Variants in LACC1 observed in about 807,000 individuals in gnomAD.
The protein encoded by LACC1 is purine nucleoside phosphorylase LACC1.
LACC1 carries 25 observed loss-of-function variants against 34.8 expected under a neutral mutation model. That is an observed-to-expected ratio of 0.72 (90% CI 0.52 to 1.00). The LOEUF is 1.00. Ranked by LOEUF, LACC1 falls within the 50% of genes least tolerant of loss-of-function variation. The pLI is 0.00. For missense variants in LACC1, 426 were observed against 511.2 expected (o/e 0.83, Z 1.61); for synonymous variants, 162 against 168.0 (o/e 0.96, Z 0.28).
Position 43,881,029 on chromosome 13 carries a change from ACT to A in LACC1, c.48_49del (p.Gln17LysfsTer32), listed in dbSNP as rs1237977088. 2.5e-6 allele frequency: 4 copies of A among 1,613,922 alleles called. No individual in the cohort carries two copies. The highest frequency in any genetic ancestry group is 1.7e-5 in the Admixed American group (1 of 59,978). ...ATTGATCTTTTTGGTTTGAAATTGA[ACT>A]CTCAAAAAAACTGCCATCAGACATT... On this transcript the variant is annotated frameshift_variant, in exon 2 of 7. Coordinates refer to ENST00000325686, the MANE Select transcript of LACC1 (RefSeq NM_153218.4). LOFTEE classifies it high-confidence loss of function.
At chr13:43,887,821 GAAGTTGA>G (rs1279789678) in intron 4 of LACC1, among the ~76,000 whole-genome samples, 1 of 152,142 alleles carries the variant, frequency 6.6e-6, no homozygotes, top group Non-Finnish European at 1.5e-5. Context: ...AGGATATGGA[GAAGTTGA>G]AATCCTGGTG....
intron 3 of LACC1, among the ~76,000 whole-genome samples, chr13:43,882,612 C>T (rs1345179965): frequency 7.0e-6 from 1 of 143,072 alleles, no homozygotes; most frequent in Non-Finnish European, 1.5e-5. Flanking sequence ...GTAAGTCATC[C>T]TTTAATGTTG....
chr13:43,883,972 C>A (rs745695672), intron 4 of LACC1, 36 bp downstream of exon 4: 2 of 1,560,078 alleles, frequency 1.3e-6, no homozygotes, highest in Non-Finnish European at 8.8e-7. Context: ...GAATTTTACT[C>A]ATTTTGTTGT....
intron 4 of LACC1, 65 bp downstream of exon 4, chr13:43,884,001 T>A (rs547984914): frequency 2.0e-5 from 28 of 1,375,286 alleles, no homozygotes; most frequent in Non-Finnish European, 2.8e-5. Context: ...AATTGTAATT[T>A]CTTTCTGATG....
chr13:43,881,718 G>T (rs1035236542), intron 2 of LACC1, among the ~76,000 whole-genome samples, 171 bp downstream of exon 2: 1 of 151,974 alleles, frequency 6.6e-6, no homozygotes, highest in Non-Finnish European at 1.5e-5. Flanking sequence ...TAGTATCAGG[G>T]GTGTCAAGGG....
chr13:43,882,704 A>C (rs968415641), intron 3 of LACC1, among the ~76,000 whole-genome samples: 1 of 152,082 alleles, frequency 6.6e-6, no homozygotes, highest in African/African-American at 2.4e-5. Flanking sequence ...ATAAATAAGA[A>C]TAAAGTTTCT....
At position 43,881,275 on chromosome 13, in the gene LACC1, A is replaced by G. The variant is rs866119559; in HGVS notation, c.290A>G (p.Glu97Gly). The G allele has an allele frequency of 1.9e-6, 3 of 1,614,194 alleles. No individual in the cohort carries two copies. The highest frequency in any genetic ancestry group is 3.3e-4 in the Middle Eastern group (2 of 6,062). Reference protein sequence around the residue: ...TLYTIKQKIDEKNLSSIKVIV... With the variant: ...TLYTIKQKIDGKNLSSIKVIV... ...TATACCATTAAACAGAAAATTGATG[A>G]AAAAAATCTGAGCAGCATTAAGGTA... is the stretch of plus-strand genomic sequence containing the variant. The change falls in exon 2 of 7, where the codon GAA (glutamate) becomes GGA (glycine). Residue 97 changes from glutamate to glycine, a missense_variant. Glu to Gly is a moderately conservative substitution (Grantham distance 98). Transcript: ENST00000325686.
At chr13:43,889,179 C>T (rs1955461257) in intron 5 of LACC1, among the ~76,000 whole-genome samples, 197 bp downstream of exon 5, 1 of 151,992 alleles carries the variant, frequency 6.6e-6, no homozygotes, top group Admixed American at 6.6e-5. Context: ...AGAAATTTTC[C>T]TGTCTGGTAT....
chr13:43,880,977 C>A lies in LACC1; in HGVS notation c.-9C>A. 3.1e-6 allele frequency: 5 copies of A among 1,602,952 alleles called. 1 individual carries two copies. In the South Asian group the frequency reaches 5.6e-5, roughly 18 times the overall value. On this transcript the variant is annotated 5_prime_UTR_variant, in exon 2 of 7. Transcript: ENST00000325686. ...GTGATTTATTTGGCATAAAAGTATT[C>A]TTTCAAGGATGGCAGAAGCTGTTTT...
At chr13:43,882,589 A>ATATATATATATG in intron 3 of LACC1, among the ~76,000 whole-genome samples, 1 of 147,374 alleles carries the variant, frequency 6.8e-6, no homozygotes, top group Non-Finnish European at 1.5e-5. Flanking sequence ...ATATATATGC[A>ATATATATATATG]CACACACATA....
intron 6 of LACC1, among the ~76,000 whole-genome samples, chr13:43,890,613 C>G (rs1329882262): frequency 1.3e-5 from 2 of 152,092 alleles, no homozygotes; most frequent in Admixed American, 6.6e-5. Flanking sequence ...TAAGTATTTC[C>G]TTTCTCTCTA....
chr13:43,884,349 G>A (rs934833716), intron 4 of LACC1, among the ~76,000 whole-genome samples: 2 of 152,038 alleles, frequency 1.3e-5, no homozygotes, highest in Admixed American at 6.5e-5. Context: ...AAACAACAAC[G>A]AAACCCTCCA....
chr13:43,879,817 G>GCGGGGCGGGGCGGGGC (rs878998840), upstream of LACC1: 10 of 46,328 alleles, frequency 2.2e-4, no homozygotes, highest in Admixed American at 1.7e-3. Flanking sequence ...GCGGGGCGAG[G>GCGGGGCGGGGCGGGGC]TGGGCGAGGT....
In LACC1 at chr13:43,891,485, T is replaced by C. The variant is rs1955566801; in HGVS notation, c.*38T>C. The C allele has an allele frequency of 1.2e-5, 12 of 984,728 alleles. No homozygotes were observed. The highest frequency in any genetic ancestry group is 1.4e-5 in the Non-Finnish European group (12 of 829,152). The allele number at this position is 984,728 out of a possible 1,614,324, so 61.0% of individuals were successfully genotyped here. On this transcript the variant is annotated 3_prime_UTR_variant, in exon 7 of 7. Transcript: ENST00000325686. ...GATTTTTGTATAACTGCTTCCTGCC[T>C]CCTTCCAAACTGACTGCAAGAGAGA...
At chr13:43,882,903 A>G (rs1955140394) in intron 3 of LACC1, among the ~76,000 whole-genome samples, 1 of 152,044 alleles carries the variant, frequency 6.6e-6, no homozygotes, top group South Asian at 2.1e-4. Flanking sequence ...CTGGCAGATC[A>G]GGATGCAAGG....
intron 6 of LACC1, 43 bp downstream of exon 6, chr13:43,890,317 C>T: frequency 6.6e-7 from 1 of 1,511,562 alleles, no homozygotes. Context: ...TCCTCTCTTT[C>T]ATCCCTCTCT....
chr13:43,879,562 C>T (rs1458138499), upstream of LACC1: 6 of 152,242 alleles, frequency 3.9e-5, no homozygotes, highest in African/African-American at 1.2e-4. Context: ...TGGCTCATCC[C>T]GGGATTCCCC....
chr13:43,884,771 G>C (rs1181289209), intron 4 of LACC1, among the ~76,000 whole-genome samples: 2 of 152,078 alleles, frequency 1.3e-5, no homozygotes, highest in East Asian at 3.9e-4. Context: ...AAAAAAGAAA[G>C]TAGCATATTT....
intron 6 of LACC1, 36 bp downstream of exon 6, chr13:43,890,310 T>A: frequency 6.4e-7 from 1 of 1,550,638 alleles, no homozygotes; most frequent in Non-Finnish European, 8.8e-7. Context: ...CCGTTTTTCC[T>A]CTCTTTCATC....
Sources: allele counts gnomAD v4.1 joint callset (sites outside exome capture counted in the v4.1 genomes callset), GRCh38; gene constraint gnomAD v4.1.1; transcripts MANE v1.5; gene names NCBI Gene and HGNC (gene_info 2026-07-23, HGNC 2026-07-21).